Variants in TEX264 observed in about 807,000 individuals in gnomAD.
TEX264 encodes the protein testis-expressed protein 264.
TEX264 carries 13 observed loss-of-function variants against 23.4 expected under a neutral mutation model. That is an observed-to-expected ratio of 0.56 (90% CI 0.36 to 0.88). TEX264 has a LOEUF of 0.88. Ranked by LOEUF, TEX264 falls within the 40% of genes least tolerant of loss-of-function variation. TEX264 has a pLI of 0.01. For synonymous variants in TEX264, 159 were observed against 170.0 expected (o/e 0.94, Z 0.50); for missense variants, 340 against 406.8 (o/e 0.84, Z 1.41).
intron 3 of TEX264, among the ~76,000 whole-genome samples, chr3:51,688,493 T>C (rs529127127): frequency 8.1e-4 from 124 of 152,318 alleles, no homozygotes; most frequent in African/African-American, 2.9e-3. Flanking sequence ...CAAGCCCCCA[T>C]GCCTGATTTC....
chr3:51,686,287 G>A lies in TEX264; in HGVS notation c.480+1653G>A, dbSNP rs1702617338. ...AAAGGCTGCGCAGAGGGCGTGGCCAGTGTGGCAGGGGTCAGGGAACAGGAC... is the reference window on the plus strand; with the variant it reads ...AAAGGCTGCGCAGAGGGCGTGGCCAATGTGGCAGGGGTCAGGGAACAGGAC... On this transcript the variant is annotated intron_variant, in intron 3 of 4. Transcript: ENST00000341333. The surrounding 1 kb of genome is among the most constrained non-coding windows in gnomAD (Gnocchi z 4.1). 6.6e-6 allele frequency among the ~76,000 whole-genome samples: 1 copy of A among 152,214 alleles called. No individual in the cohort carries two copies. Among genetic ancestry groups the A allele is most frequent in the Non-Finnish European group, 1.5e-5 (1 of 68,036 alleles).
chr3:51,694,060 C>A (rs1702945984), intron 3 of TEX264, among the ~76,000 whole-genome samples: 1 of 125,008 alleles, frequency 8.0e-6, no homozygotes. Flanking sequence ...CCTTCCCTTC[C>A]CTTCCCTTCC....
chr3:51,699,362 G>T, intron 3 of TEX264, 44 bp from the exon 4 acceptor site: 1 of 1,597,370 alleles, frequency 6.3e-7, no homozygotes, highest in Non-Finnish European at 8.6e-7. Context: ...AGTGAGTCAG[G>T]GGCCCTGTAG....
chr3:51,687,829 T>G, intron 3 of TEX264, among the ~76,000 whole-genome samples: 1 of 152,158 alleles, frequency 6.6e-6, no homozygotes, highest in East Asian at 1.9e-4. Flanking sequence ...ATTGGTCTCA[T>G]GGGACAGAGG....
At chr3:51,698,392 G>T (rs1310662078) in intron 3 of TEX264, among the ~76,000 whole-genome samples, 2 of 152,182 alleles carry the variant, frequency 1.3e-5, no homozygotes, top group East Asian at 3.9e-4. Flanking sequence ...GTGAAGATTG[G>T]CGGGTGAGCA....
At chr3:51,678,941 C>A (rs1048757952) in intron 2 of TEX264, among the ~76,000 whole-genome samples, 2 of 152,152 alleles carry the variant, frequency 1.3e-5, no homozygotes, top group Non-Finnish European at 2.9e-5. Flanking sequence ...GGGCTCAGGC[C>A]GCCCCCTATC....
chr3:51,695,929 C>T (rs1703040476), intron 3 of TEX264, among the ~76,000 whole-genome samples: 1 of 152,108 alleles, frequency 6.6e-6, no homozygotes, highest in Non-Finnish European at 1.5e-5. Context: ...CATCTTGTTT[C>T]TGCATGTGGA....
At chr3:51,698,388 A>G (rs1703151156) in intron 3 of TEX264, among the ~76,000 whole-genome samples, 1 of 152,148 alleles carries the variant, frequency 6.6e-6, no homozygotes, top group Admixed American at 6.5e-5. Context: ...TGTTGTGAAG[A>G]TTGGCGGGTG....
chr3:51,696,698 G>A (rs1415502535), intron 3 of TEX264, among the ~76,000 whole-genome samples: 1 of 152,230 alleles, frequency 6.6e-6, no homozygotes, highest in East Asian at 1.9e-4. Flanking sequence ...GCAACTACAA[G>A]CCCCTTCTCT....
At chr3:51,688,189 A>G (rs150085193) in intron 3 of TEX264, among the ~76,000 whole-genome samples, 3 of 152,310 alleles carry the variant, frequency 2.0e-5, no homozygotes, top group Admixed American at 2.0e-4. Context: ...AGTCCCAGGA[A>G]AGGGGTATCT....
intron 3 of TEX264, 37 bp from the exon 4 acceptor site, chr3:51,699,369 G>A: frequency 2.5e-6 from 4 of 1,608,040 alleles, no homozygotes; most frequent in Non-Finnish European, 2.6e-6. Context: ...CAGGGGCCCT[G>A]TAGGGCTCAT....
intron 2 of TEX264, among the ~76,000 whole-genome samples, chr3:51,677,909 G>A (rs1702284824): frequency 6.6e-6 from 1 of 152,202 alleles, no homozygotes; most frequent in Non-Finnish European, 1.5e-5. Context: ...GAATGGGAAG[G>A]TGGGGAAGAA....
intron 3 of TEX264, among the ~76,000 whole-genome samples, chr3:51,688,887 G>T (rs2106963494): frequency 6.6e-6 from 1 of 152,230 alleles, no homozygotes; most frequent in African/African-American, 2.4e-5. Context: ...AACACTTTGG[G>T]AGCCTGAGGT....
chr3:51,681,020 C>G (rs1281551046), intron 2 of TEX264, among the ~76,000 whole-genome samples: 1 of 152,210 alleles, frequency 6.6e-6, no homozygotes, highest in Non-Finnish European at 1.5e-5. Flanking sequence ...CCAGCTTCAA[C>G]TTTGCATGGG....
chr3:51,684,856 A>C (rs1449765335), intron 3 of TEX264, among the ~76,000 whole-genome samples: 1 of 152,224 alleles, frequency 6.6e-6, no homozygotes. Flanking sequence ...TCCCAAGAGC[A>C]TGGAGAACTT....
At chr3:51,673,641 T>A (rs1702129016) in intron 1 of TEX264, among the ~76,000 whole-genome samples, 1 of 152,214 alleles carries the variant, frequency 6.6e-6, no homozygotes, top group Admixed American at 6.5e-5. Flanking sequence ...TTCCTCTGGT[T>A]CTGGATGGGT....
intron 3 of TEX264, among the ~76,000 whole-genome samples, chr3:51,690,861 G>A (rs575439819): frequency 6.6e-5 from 10 of 152,202 alleles, no homozygotes; most frequent in Non-Finnish European, 8.8e-5. Context: ...CCTAGGGAAG[G>A]AAGGTGCCCC....
At chr3:51,696,144 TG>T (rs1423516832) in intron 3 of TEX264, among the ~76,000 whole-genome samples, 2 of 152,200 alleles carry the variant, frequency 1.3e-5, no homozygotes, top group African/African-American at 4.8e-5. Flanking sequence ...TGAGCTGCTC[TG>T]GGCTGTGGGT....
At chr3:51,690,120 G>A (rs948755182) in intron 3 of TEX264, among the ~76,000 whole-genome samples, 2 of 152,192 alleles carry the variant, frequency 1.3e-5, no homozygotes, top group African/African-American at 2.4e-5. Context: ...GCACAGAACC[G>A]CTTGTGTTTG....
Sources: gnomAD v4.1 joint callset for allele counts (sites outside exome capture counted in the v4.1 genomes callset) on GRCh38, gnomAD v4.1.1 for gene constraint, Gnocchi (gnomAD v3.1) non-coding constraint, MANE v1.5 for transcripts, NCBI Gene and HGNC (gene_info 2026-07-23, HGNC 2026-07-21) for gene names.